The following ELOVL6 variants were observed in gnomAD, a reference collection of about 807,000 sequenced individuals.
ELOVL6 encodes very long chain fatty acid elongase 6.
ELOVL6 carries 8 observed loss-of-function variants against 31.7 expected under a neutral mutation model. The observed-to-expected ratio is 0.25, with a 90% CI of 0.15 to 0.45. ELOVL6 has a LOEUF of 0.45. Ranked by LOEUF, ELOVL6 falls within the 20% of genes least tolerant of loss-of-function variation. The probability of loss-of-function intolerance (pLI) is 1.00; values close to 1 mark genes in which losing one functional copy is unlikely to be tolerated. For synonymous variants in ELOVL6, 101 were observed against 117.7 expected (o/e 0.86, Z 0.92); for missense variants, 126 against 326.4 (o/e 0.39, Z 4.73).
rs1756864554 is a variant in ELOVL6, at chr4:110,105,564, T to G, written c.154A>C (p.Asn52His). The G allele has an allele frequency of 6.2e-7, 1 of 1,613,852 alleles. No individual in the cohort carries two copies. Among genetic ancestry groups the G allele is most frequent in the Non-Finnish European group, 8.5e-7 (1 of 1,179,768 alleles). Residue 52 changes from asparagine (N) to histidine (H), a missense_variant, in exon 2 of 4, where the codon AAT becomes CAT. Physicochemically the swap from Asn to His is moderately conservative, Grantham distance 68 (BLOSUM62 1). This residue lies in a region of ELOVL6 where 53 missense variants were observed against 193.4 expected (regional missense o/e 0.27). Coordinates refer to ENST00000302274, the MANE Select transcript of ELOVL6 (RefSeq NM_024090.3). Reference protein sequence around the residue: ...AFIFGGRHLMNKRAKFELRKP... With the variant: ...AFIFGGRHLMHKRAKFELRKP... ...CTCAGTTCAAACTTTGCTCGTTTATTCATTAGGTGCCGACCACCGAATATA... is the reference window on the plus strand; with the variant it reads ...CTCAGTTCAAACTTTGCTCGTTTATGCATTAGGTGCCGACCACCGAATATA...
chr4:110,183,760 C>T (rs756244935), intron 1 of ELOVL6, among the ~76,000 whole-genome samples: 1 of 152,074 alleles, frequency 6.6e-6, no homozygotes, highest in Non-Finnish European at 1.5e-5. Context: ...TCCCAGCAAT[C>T]TGGATTGCTT....
intron 1 of ELOVL6, among the ~76,000 whole-genome samples, chr4:110,193,111 G>C (rs1163775574): frequency 1.3e-5 from 2 of 152,148 alleles, no homozygotes; most frequent in Non-Finnish European, 2.9e-5. Context: ...CTCACTAAAT[G>C]AAAAACAACA....
At chr4:110,067,894 A>T (rs1755352102) in intron 2 of ELOVL6, among the ~76,000 whole-genome samples, 1 of 152,160 alleles carries the variant, frequency 6.6e-6, no homozygotes, top group Non-Finnish European at 1.5e-5. Flanking sequence ...ACATATTTTA[A>T]GTTGATATCT....
chr4:110,069,536 T>C (rs1156688916), intron 2 of ELOVL6, among the ~76,000 whole-genome samples: 1 of 152,076 alleles, frequency 6.6e-6, no homozygotes, highest in African/African-American at 2.4e-5. Flanking sequence ...CAGAACTTGA[T>C]TGAGCCCCTA....
chr4:110,143,071 C>A (rs1184844342), intron 1 of ELOVL6, among the ~76,000 whole-genome samples: 1 of 152,108 alleles, frequency 6.6e-6, no homozygotes, highest in South Asian at 2.1e-4. Context: ...GAACATAATA[C>A]ATGTTGACTT....
intron 1 of ELOVL6, among the ~76,000 whole-genome samples, chr4:110,143,719 A>G (rs2126262530): frequency 6.6e-6 from 1 of 152,300 alleles, no homozygotes. Flanking sequence ...CATCACAAAA[A>G]CAGTAACAAA....
rs57846282 is a variant in ELOVL6 at position 110,061,549 on chromosome 4, C to CTTTTTTTTTTTT, written c.222-1807_222-1796dup. Among the ~76,000 whole-genome samples, 87 of 72,360 alleles carry CTTTTTTTTTTTT rather than the reference C, an allele frequency of 1.2e-3. 11 individuals are homozygous for CTTTTTTTTTTTT. The highest frequency in any genetic ancestry group is 3.4e-3 in the African/African-American group (67 of 19,892). The allele number at this position is 72,360 out of a possible 152,430, so 47.5% of individuals were successfully genotyped here. A position where few individuals can be genotyped will look rare whatever the true frequency, so the allele number is the denominator to read the frequency against. ...CTGTCTTTCCCTCACCAAATGATGGCTTTTTTTTTTTTTTTTTTTTTTTTT... is the reference window on the plus strand; with the variant it reads ...CTGTCTTTCCCTCACCAAATGATGGCTTTTTTTTTTTTTTTTTTTTTTTTTTTTTTTTTTTTT... On this transcript the variant is annotated intron_variant, in intron 2 of 3. Transcript: ENST00000302274.
At chr4:110,053,113 T>C (rs1343932101) in intron 3 of ELOVL6, among the ~76,000 whole-genome samples, 1 of 152,124 alleles carries the variant, frequency 6.6e-6, no homozygotes, top group East Asian at 1.9e-4. Flanking sequence ...TAAAAAAACT[T>C]TTTTAGTAGA....
rs542365931 is a variant in ELOVL6, at chr4:110,054,835, AG to A, written c.374-3074del. 2.0e-5 allele frequency among the ~76,000 whole-genome samples: 3 copies of A among 152,128 alleles called. No homozygotes were observed. The South Asian group carries it at 6.2e-4, about 32-fold the overall frequency. ...CTGGGTGTTTCTAGTTACTTTAGGG[AG>A]GGGAGTGGAGTGGAGGGTAGGAGGA... On this transcript the variant is annotated intron_variant, in intron 3 of 3. Coordinates refer to ENST00000302274, the MANE Select transcript of ELOVL6 (RefSeq NM_024090.3).
chr4:110,192,682 T>C (rs903687397), intron 1 of ELOVL6, among the ~76,000 whole-genome samples: 2 of 152,220 alleles, frequency 1.3e-5, no homozygotes, highest in Non-Finnish European at 2.9e-5. Flanking sequence ...AAAAGATACA[T>C]GAAAGTTCAT....
intron 2 of ELOVL6, among the ~76,000 whole-genome samples, chr4:110,068,225 T>C (rs1755362089): frequency 6.6e-6 from 1 of 151,856 alleles, no homozygotes; most frequent in Admixed American, 6.6e-5. Context: ...CGAAGTAACT[T>C]CCACAGCATT....
chr4:110,048,992 A>G lies in ELOVL6; in HGVS notation c.*2346T>C, dbSNP rs572349635. Reference sequence around the variant, plus strand: ...ATTAAATAATTAAATCAACCAGATGAGCCTCCAATGGGTCCTTCAATTAAA... The same window carrying G: ...ATTAAATAATTAAATCAACCAGATGGGCCTCCAATGGGTCCTTCAATTAAA... On this transcript the variant is annotated 3_prime_UTR_variant, in exon 4 of 4. Coordinates refer to ENST00000302274, the MANE Select transcript of ELOVL6 (RefSeq NM_024090.3). The G allele has an allele frequency of 6.6e-6, 1 of 152,352 alleles. No individual in the cohort carries two copies. The highest frequency in any genetic ancestry group is 1.5e-5 in the Non-Finnish European group (1 of 68,030). 9.4% of individuals were successfully genotyped at this position (152,352 alleles called of 1,614,324 possible).
chr4:110,091,043 G>A (rs538018667), intron 2 of ELOVL6, among the ~76,000 whole-genome samples: 2 of 152,270 alleles, frequency 1.3e-5, no homozygotes, highest in African/African-American at 4.8e-5. Context: ...TCACAGGTTC[G>A]GCAAATGGAG....
In ELOVL6 at chr4:110,084,359, C is replaced by CGCATATATGATATATAT. The variant is rs1560815026; in HGVS notation, c.221+21137_221+21138insATATATATCATATATGC. ...TCACATATATGATATATGATATATA[C>CGCATATATGATATATAT]CGCATATATGATATATGATATATAT... On this transcript the variant is annotated intron_variant, in intron 2 of 3. Coordinates refer to ENST00000302274, the MANE Select transcript of ELOVL6 (RefSeq NM_024090.3). Among the ~76,000 whole-genome samples, 12 of 37,236 alleles carry CGCATATATGATATATAT rather than the reference C, an allele frequency of 3.2e-4. 1 individual carries two copies. Among genetic ancestry groups the CGCATATATGATATATAT allele is most frequent in the Admixed American group, 1.2e-3 (4 of 3,286 alleles). 24.4% of individuals were successfully genotyped at this position (37,236 alleles called of 152,430 possible). A position where few individuals can be genotyped will look rare whatever the true frequency, so the allele number is the denominator to read the frequency against.
intron 2 of ELOVL6, among the ~76,000 whole-genome samples, chr4:110,092,639 T>A (rs867847054): frequency 3.5e-4 from 53 of 152,212 alleles, no homozygotes; most frequent in African/African-American, 1.3e-3. Flanking sequence ...CTCTTTAATG[T>A]TTCCTTCAGC....
rs78004390 is a variant in ELOVL6 at position 110,163,551 on chromosome 4, G to A, written c.89+34696C>T. On this transcript the variant is annotated intron_variant, in intron 1 of 3. Transcript: ENST00000302274. ...GAAATTTAACAGTTATGGACTGACC[G>A]CATAGTGTAGCAGACTGGGATGAAG... 3.2e-3 allele frequency among the ~76,000 whole-genome samples: 483 copies of A among 152,244 alleles called. 3 individuals are homozygous for A. Among genetic ancestry groups the A allele is most frequent in the African/African-American group, 0.011 (467 of 41,556 alleles).
chr4:110,054,175 T>C (rs955587200), intron 3 of ELOVL6, among the ~76,000 whole-genome samples: 1 of 152,178 alleles, frequency 6.6e-6, no homozygotes, highest in African/African-American at 2.4e-5. Context: ...TGTCAAATTT[T>C]TGTTGAAGTC....
chr4:110,156,515 G>A (rs754288572), intron 1 of ELOVL6, among the ~76,000 whole-genome samples: 3 of 151,886 alleles, frequency 2.0e-5, no homozygotes, highest in African/African-American at 7.3e-5. Flanking sequence ...GAGAGACCCC[G>A]TCTCCACAAA....
intron 2 of ELOVL6, 188 bp from the exon 3 acceptor site, chr4:110,059,942 T>C (rs750075025): frequency 9.4e-6 from 5 of 531,138 alleles, no homozygotes; most frequent in Non-Finnish European, 1.6e-5. Context: ...AAGGGCTTTA[T>C]TCTGAAACCA....
Sources: gnomAD v4.1 joint callset for allele counts (sites outside exome capture counted in the v4.1 genomes callset) on GRCh38, gnomAD v4.1.1 for gene constraint, gnomAD v4.1.1 regional missense constraint, MANE v1.5 for transcripts, NCBI Gene and HGNC (gene_info 2026-07-23, HGNC 2026-07-21) for gene names.